Variants in NEDD4L observed in about 807,000 individuals in gnomAD.
The protein encoded by NEDD4L is NEDD4 like E3 ubiquitin protein ligase, also known as E3 ubiquitin-protein ligase NEDD4-like.
In NEDD4L, 54 loss-of-function variants were observed where a neutral mutation model predicts 148.9. That is an observed-to-expected ratio of 0.36 (90% confidence interval 0.29 to 0.45). The LOEUF (loss-of-function observed/expected upper bound fraction) is 0.45. NEDD4L is among the 20% of genes least tolerant of loss of function. The pLI is 1.00. For missense variants in NEDD4L, 856 were observed against 1,233.8 expected (o/e 0.69, Z 4.59); for synonymous variants, 433 against 440.7 (o/e 0.98, Z 0.22).
At chr18:58,175,796 C>G (rs1299609735) in intron 2 of NEDD4L, among the ~76,000 whole-genome samples, 1 of 152,234 alleles carries the variant, frequency 6.6e-6, no homozygotes, top group Admixed American at 6.5e-5. Context: ...TACTCCCTAA[C>G]AACCACACAA....
At chr18:58,371,876 CAGTT>C (rs532336491) in intron 23 of NEDD4L, 139 of 152,318 alleles carry the variant, frequency 9.1e-4, no homozygotes, top group African/African-American at 3.0e-3. Flanking sequence ...CACATGCTGA[CAGTT>C]AGTGCCTAAA....
Position 58,373,250 on chromosome 18 carries a change from A to G in NEDD4L, c.2333A>G (p.Asp778Gly). 6.3e-7 allele frequency: 1 copy of G among 1,578,042 alleles called. No homozygotes were observed. Among genetic ancestry groups the G allele is most frequent in the Non-Finnish European group, 8.6e-7 (1 of 1,158,692 alleles). The change falls in exon 24 of 31, where the codon GAC (aspartate) becomes GGC (glycine). Residue 778 changes from aspartate (D) to glycine (G), a missense_variant. By Grantham distance (94) the Asp-to-Gly change is moderately conservative. Coordinates refer to ENST00000400345, the MANE Select transcript of NEDD4L (RefSeq NM_001144967.3). The part of the protein sequence containing the change: ...PTELDLMFCI[D>G]EENFGQTYQV... The stretch of plus-strand genomic sequence containing the variant: ...GAGCTGGACCTCATGTTCTGCATAG[A>G]CGAAGAAAACTTTGGACAGGTACAT...
At chr18:58,075,409 A>G (rs934908010) in intron 1 of NEDD4L, among the ~76,000 whole-genome samples, 2 of 151,900 alleles carry the variant, frequency 1.3e-5, no homozygotes, top group East Asian at 1.9e-4. Flanking sequence ...CCTCAGCCCC[A>G]CAAAGTACTG....
At chr18:58,255,513 G>A in intron 5 of NEDD4L, 1 of 1,231,144 alleles carries the variant, frequency 8.1e-7, no homozygotes, top group Non-Finnish European at 1.0e-6. Context: ...CGCTCCCGGT[G>A]CCGCAGTGCT....
intron 2 of NEDD4L, among the ~76,000 whole-genome samples, chr18:58,188,776 C>T (rs1339721817): frequency 6.6e-6 from 1 of 152,256 alleles, no homozygotes; most frequent in Non-Finnish European, 1.5e-5. Flanking sequence ...AGAAGACTGT[C>T]TCTTCACAAG....
intron 2 of NEDD4L, among the ~76,000 whole-genome samples, chr18:58,196,685 C>T (rs573010970): frequency 4.2e-4 from 60 of 143,620 alleles, no homozygotes; most frequent in African/African-American, 1.5e-3. Flanking sequence ...GATATTGGGG[C>T]TCTACTTTTC....
chr18:58,249,241 G>T (rs1168835966), intron 4 of NEDD4L, among the ~76,000 whole-genome samples: 1 of 152,142 alleles, frequency 6.6e-6, no homozygotes, highest in Non-Finnish European at 1.5e-5. Context: ...TATGAGAATG[G>T]TTTAATTCTA....
intron 28 of NEDD4L, 68 bp downstream of exon 28, chr18:58,389,260 C>G: frequency 1.7e-6 from 2 of 1,175,936 alleles, no homozygotes. Flanking sequence ...GTGTGGCGCC[C>G]TCCATTGTGG....
intron 2 of NEDD4L, among the ~76,000 whole-genome samples, chr18:58,220,095 G>C (rs1487822088): frequency 6.6e-6 from 1 of 152,170 alleles, no homozygotes; most frequent in Non-Finnish European, 1.5e-5. Context: ...CTGAAAACTT[G>C]AGATGTTCCT....
chr18:58,142,156 C>T (rs1042961647), intron 1 of NEDD4L, among the ~76,000 whole-genome samples: 1 of 147,254 alleles, frequency 6.8e-6, no homozygotes, highest in Admixed American at 7.0e-5. Flanking sequence ...ACGCCATTCT[C>T]CTGCCTCAGC....
intron 2 of NEDD4L, among the ~76,000 whole-genome samples, chr18:58,175,944 T>C (rs980906351): frequency 1.1e-4 from 17 of 152,200 alleles, no homozygotes; most frequent in African/African-American, 4.1e-4. Flanking sequence ...AAATGGCAGA[T>C]GGGTAAATGC....
rs900862753 is a variant in NEDD4L at position 58,268,703 on chromosome 18, C to T, written c.297+16649C>T. 5.3e-5 allele frequency among the ~76,000 whole-genome samples: 8 copies of T among 152,028 alleles called. No homozygotes were observed. The East Asian group carries it at 1.2e-3, about 22-fold the overall frequency. ...CAGCTACTGAAAATTTTCTTTAGAA[C>T]GTGGATTTAAATAAAGAAAGAAATA... On this transcript the variant is annotated intron_variant, in intron 5 of 30. Coordinates refer to ENST00000400345, the MANE Select transcript of NEDD4L (RefSeq NM_001144967.3).
chr18:58,256,051 G>T lies in NEDD4L; in HGVS notation c.297+3997G>T. The T allele has an allele frequency of 1.6e-6, 2 of 1,229,296 alleles. No individual in the cohort carries two copies. The highest frequency in any genetic ancestry group is 2.0e-6 in the Non-Finnish European group (2 of 986,394). 76.1% of individuals were successfully genotyped at this position (1,229,296 alleles called of 1,614,324 possible). A position where few individuals can be genotyped will look rare whatever the true frequency, so the allele number is the denominator to read the frequency against. On this transcript the variant is annotated intron_variant, in intron 5 of 30. Transcript: ENST00000400345. The surrounding 1 kb of genome is among the most constrained non-coding windows in gnomAD (Gnocchi z 5.2). The stretch of plus-strand genomic sequence containing the variant: ...CCGCCACTGCCACCACGAGGGCCTC[G>T]CCCCAGAGTGGCTCCCGGGAGCCCT...
intron 5 of NEDD4L, among the ~76,000 whole-genome samples, chr18:58,257,096 C>CA (rs991943140): frequency 3.3e-5 from 5 of 151,970 alleles, no homozygotes; most frequent in East Asian, 3.9e-4. Flanking sequence ...TTTAATCTGC[C>CA]AAAAAACAAG....
chr18:58,190,951 T>C (rs1415121364), intron 2 of NEDD4L, among the ~76,000 whole-genome samples: 1 of 152,028 alleles, frequency 6.6e-6, no homozygotes, highest in East Asian at 1.9e-4. Context: ...TACCTACAGA[T>C]TTTTAAAAGG....
intron 1 of NEDD4L, among the ~76,000 whole-genome samples, chr18:58,114,731 G>A (rs189486095): frequency 1.8e-3 from 275 of 152,304 alleles, no homozygotes; most frequent in African/African-American, 6.4e-3. Context: ...CGCCAGGGCT[G>A]TGTTCCTCCC....
intron 24 of NEDD4L, among the ~76,000 whole-genome samples, chr18:58,378,434 C>T (rs146875133): frequency 4.6e-5 from 7 of 152,336 alleles, no homozygotes; most frequent in East Asian, 3.9e-4. Flanking sequence ...CATGTCCTGG[C>T]GGAAGCCAGG....
At chr18:58,329,452 G>T (rs1343158264) in intron 10 of NEDD4L, among the ~76,000 whole-genome samples, 1 of 152,062 alleles carries the variant, frequency 6.6e-6, no homozygotes, top group Non-Finnish European at 1.5e-5. Context: ...CGCCTCCTGG[G>T]TTCGAGCAAT....
chr18:58,326,933 A>T (rs1255677285), intron 9 of NEDD4L, among the ~76,000 whole-genome samples: 1 of 152,162 alleles, frequency 6.6e-6, no homozygotes, highest in Non-Finnish European at 1.5e-5. Context: ...ACATGTCCCC[A>T]CACTCATCAA....
Sources: allele counts gnomAD v4.1 joint callset (sites outside exome capture counted in the v4.1 genomes callset), GRCh38; gene constraint gnomAD v4.1.1; non-coding constraint Gnocchi (gnomAD v3.1); transcripts MANE v1.5; gene names NCBI Gene and HGNC (gene_info 2026-07-23, HGNC 2026-07-21).